OSBPL6: variants seen among roughly 807,000 people sequenced by gnomAD.
The protein encoded by OSBPL6 is oxysterol binding protein like 6, also known as oxysterol-binding protein-related protein 6.
Under a neutral mutation model 125.8 loss-of-function variants are expected in OSBPL6, and 49 were observed. The ratio of observed to expected loss-of-function variants is 0.39; its 90% CI spans 0.31 to 0.49. The LOEUF is 0.49. OSBPL6 is among the 20% of genes least tolerant of loss of function. The pLI is 0.88. For synonymous variants in OSBPL6, 394 were observed against 391.8 expected (o/e 1.01, Z -0.07); for missense variants, 986 against 1,135.4 (o/e 0.87, Z 1.89).
At chr2:178,313,390 G>A (rs1574840857) in intron 3 of OSBPL6, among the ~76,000 whole-genome samples, 1 of 152,196 alleles carries the variant, frequency 6.6e-6, no homozygotes. Flanking sequence ...GTAGGGTTTG[G>A]AATGCATAAT....
intron 1 of OSBPL6, among the ~76,000 whole-genome samples, chr2:178,241,703 A>G (rs1161546951): frequency 6.6e-6 from 1 of 152,216 alleles, no homozygotes; most frequent in Admixed American, 6.5e-5. Context: ...GGCGTGAGCC[A>G]CTGTGCCTGG....
chr2:178,287,597 G>A (rs1684827658), intron 2 of OSBPL6, among the ~76,000 whole-genome samples: 1 of 152,088 alleles, frequency 6.6e-6, no homozygotes. Context: ...CTTGACTATA[G>A]GAGAAAAAAA....
At chr2:178,372,001 A>G in intron 13 of OSBPL6, 125 bp from the exon 14 acceptor site, 1 of 616,158 alleles carries the variant, frequency 1.6e-6, no homozygotes, top group Non-Finnish European at 2.7e-6. Context: ...CTGGCTCATG[A>G]TGGCTTCAAA....
rs567510898 is a variant in OSBPL6 at position 178,228,263 on chromosome 2, C to T, written c.-351+33589C>T. On this transcript the variant is annotated intron_variant, in intron 1 of 24. Coordinates refer to ENST00000190611, the MANE Select transcript of OSBPL6 (RefSeq NM_032523.4). ...TAAAAATTTAAGACACGGCCGGGCG[C>T]GGTGGCTCATGCCTGTAATCCCAGC... Among the ~76,000 whole-genome samples, 220 of 152,284 alleles carry T rather than the reference C, an allele frequency of 1.4e-3. 2 individuals are homozygous for T. The highest frequency in any genetic ancestry group is 1.8e-3 in the Admixed American group (27 of 15,294).
At chr2:178,315,434 A>G (rs1057319778) in intron 3 of OSBPL6, among the ~76,000 whole-genome samples, 2 of 152,228 alleles carry the variant, frequency 1.3e-5, no homozygotes, top group African/African-American at 4.8e-5. Context: ...AATGTAGTAA[A>G]TATGACAAAA....
At position 178,372,250 on chromosome 2, in the gene OSBPL6, A is replaced by G; in HGVS notation, c.1395+17A>G. 1 of 1,548,284 alleles carries G rather than the reference A, an allele frequency of 6.5e-7. No individual in the cohort carries two copies. The highest frequency in any genetic ancestry group is 8.8e-7 in the Non-Finnish European group (1 of 1,130,672). Reference sequence around the variant, plus strand: ...CCTGATGAGGTAAGACTCATTTTAAATAGATGCAGAGTACCTATTTTTTAG... The same window carrying G: ...CCTGATGAGGTAAGACTCATTTTAAGTAGATGCAGAGTACCTATTTTTTAG... On this transcript the variant is annotated intron_variant, in intron 14 of 24. Transcript: ENST00000190611.
At chr2:178,290,008 C>T (rs569286498) in intron 2 of OSBPL6, among the ~76,000 whole-genome samples, 11 of 152,236 alleles carry the variant, frequency 7.2e-5, no homozygotes, top group African/African-American at 2.2e-4. Flanking sequence ...GACCGTGTTT[C>T]GGGGAAGAAC....
intron 2 of OSBPL6, among the ~76,000 whole-genome samples, chr2:178,288,637 G>C (rs1421521388): frequency 6.6e-6 from 1 of 151,724 alleles, no homozygotes; most frequent in African/African-American, 2.4e-5. Flanking sequence ...GTAGGGAAAA[G>C]GGACTTTTTT....
chr2:178,360,072 G>A (rs906097487), intron 12 of OSBPL6, among the ~76,000 whole-genome samples: 6 of 113,130 alleles, frequency 5.3e-5, no homozygotes, highest in African/African-American at 1.7e-4. Flanking sequence ...GTGACAAAGT[G>A]AGACTCTGTC....
At chr2:178,240,985 A>T (rs1342426811) in intron 1 of OSBPL6, among the ~76,000 whole-genome samples, 1 of 152,186 alleles carries the variant, frequency 6.6e-6, no homozygotes, top group African/African-American at 2.4e-5. Context: ...TGACTAAATA[A>T]TGTGATAACA....
intron 1 of OSBPL6, among the ~76,000 whole-genome samples, chr2:178,266,144 T>G (rs1037095749): frequency 6.6e-6 from 1 of 152,138 alleles, no homozygotes; most frequent in Non-Finnish European, 1.5e-5. Context: ...TGGTGTGGGA[T>G]GAGGCAAGGA....
In OSBPL6 at chr2:178,335,176, T is replaced by C. The variant is rs540121007; in HGVS notation, c.658-1125T>C. On this transcript the variant is annotated intron_variant, in intron 8 of 24. Coordinates refer to ENST00000190611, the MANE Select transcript of OSBPL6 (RefSeq NM_032523.4). Reference sequence around the variant, plus strand: ...GGCACAGACTATTGATGAAAATATTTTATCTCTTATTTATTAAATTATTAA... The same window carrying C: ...GGCACAGACTATTGATGAAAATATTCTATCTCTTATTTATTAAATTATTAA... 3.2e-4 allele frequency among the ~76,000 whole-genome samples: 48 copies of C among 152,056 alleles called. 1 individual carries two copies. In the East Asian group the frequency reaches 8.3e-3, roughly 26 times the overall value.
chr2:178,368,869 G>T (rs554421789), intron 13 of OSBPL6, among the ~76,000 whole-genome samples: 3 of 151,334 alleles, frequency 2.0e-5, no homozygotes, highest in South Asian at 2.1e-4. Flanking sequence ...CACAGTCTTG[G>T]CTCAGTGCAG....
chr2:178,307,782 A>G (rs1686908459), intron 3 of OSBPL6, among the ~76,000 whole-genome samples: 1 of 152,134 alleles, frequency 6.6e-6, no homozygotes, highest in Non-Finnish European at 1.5e-5. Flanking sequence ...TGCTGGGAAG[A>G]AGGAAGCAGT....
chr2:178,339,150 A>T, intron 10 of OSBPL6, 56 bp downstream of exon 10: 1 of 1,091,324 alleles, frequency 9.2e-7, no homozygotes. Context: ...AATACTCTTT[A>T]TTGGGTTGTT....
chr2:178,233,353 C>A lies in OSBPL6; in HGVS notation c.-351+38679C>A, dbSNP rs140337342. ...AATTCCTGCGAACCAGCCTTGCTCT[C>A]TGAAAACTGTGGCCATTTTCATGGG... On this transcript the variant is annotated intron_variant, in intron 1 of 24. Coordinates refer to ENST00000190611, the MANE Select transcript of OSBPL6 (RefSeq NM_032523.4). 5.3e-5 allele frequency among the ~76,000 whole-genome samples: 8 copies of A among 152,302 alleles called. No individual in the cohort carries two copies. The East Asian group carries it at 1.5e-3, about 29-fold the overall frequency.
rs183099554 is a variant in OSBPL6, at chr2:178,350,897, A to G, written c.1153+1508A>G. On this transcript the variant is annotated intron_variant, in intron 12 of 24. Coordinates refer to ENST00000190611, the MANE Select transcript of OSBPL6 (RefSeq NM_032523.4). ...GGAAAACTTTGTGTATTTGGTTGCA[A>G]TTCTGAAGCTTCCAGGAAATCCAAG... Among the ~76,000 whole-genome samples, 771 of 152,296 alleles carry G rather than the reference A, an allele frequency of 5.1e-3. 6 individuals carry two copies. The highest frequency in any genetic ancestry group is 7.2e-3 in the Non-Finnish European group (489 of 68,028).
intron 1 of OSBPL6, among the ~76,000 whole-genome samples, chr2:178,263,965 C>T (rs1300901087): frequency 6.6e-6 from 1 of 152,056 alleles, no homozygotes; most frequent in African/African-American, 2.4e-5. Context: ...TCACTTATAG[C>T]CCACATTTAC....
At chr2:178,272,674 A>G (rs1366860919) in intron 1 of OSBPL6, among the ~76,000 whole-genome samples, 1 of 152,212 alleles carries the variant, frequency 6.6e-6, no homozygotes, top group Non-Finnish European at 1.5e-5. Context: ...CTCATTGCAT[A>G]TCTTTTTAAC....
Sources: allele counts gnomAD v4.1 joint callset (sites outside exome capture counted in the v4.1 genomes callset), GRCh38; gene constraint gnomAD v4.1.1; transcripts MANE v1.5; gene names NCBI Gene and HGNC (gene_info 2026-07-23, HGNC 2026-07-21).